Variants in LIPA observed in about 807,000 individuals in gnomAD.
LIPA encodes the protein lysosomal acid lipase/cholesteryl ester hydrolase.
In LIPA, 26 loss-of-function variants were observed where a neutral mutation model predicts 40.6. That is an observed-to-expected ratio of 0.64 (90% CI 0.47 to 0.89). The LOEUF is 0.89. LIPA is among the 40% of genes least tolerant of loss of function. The probability of loss-of-function intolerance (pLI) is 0.00; values close to 1 mark genes in which losing one functional copy is unlikely to be tolerated. For missense variants in LIPA, 455 were observed against 479.6 expected, an observed-to-expected ratio of 0.95 and a Z score of 0.48; for synonymous variants, 188 against 168.4, an observed-to-expected ratio of 1.12 and a Z score of -0.90.
intron 1 of LIPA, among the ~76,000 whole-genome samples, chr10:89,273,263 T>C (rs1217947162): frequency 6.6e-6 from 1 of 152,110 alleles, no homozygotes; most frequent in East Asian, 1.9e-4. Context: ...TCCCTCATTA[T>C]AGGAGGAAGA....
At chr10:89,307,202 C>CA (rs1309641941) in intron 1 of LIPA, 11 of 1,613,890 alleles carry the variant, frequency 6.8e-6, no homozygotes, top group Non-Finnish European at 9.3e-6. Context: ...AGACAAACTG[C>CA]AAAAAATTGC....
intron 2 of LIPA, among the ~76,000 whole-genome samples, chr10:89,352,691 G>A (rs1304569525): frequency 6.6e-6 from 1 of 150,892 alleles, no homozygotes; most frequent in Non-Finnish European, 1.5e-5. Context: ...TAAATCTTGG[G>A]ACCCCCAAGT....
At chr10:89,256,965 C>T (rs1843184772) in intron 1 of LIPA, among the ~76,000 whole-genome samples, 1 of 152,118 alleles carries the variant, frequency 6.6e-6, no homozygotes, top group South Asian at 2.1e-4. Flanking sequence ...GATATTTATT[C>T]AGGTTTGCAA....
chr10:89,311,397 G>T (rs1284833037), intron 1 of LIPA, among the ~76,000 whole-genome samples: 1 of 151,834 alleles, frequency 6.6e-6, no homozygotes, highest in Non-Finnish European at 1.5e-5. Flanking sequence ...AGGCATGGCG[G>T]TGTGTGCCTG....
intron 2 of LIPA, among the ~76,000 whole-genome samples, chr10:89,407,132 C>T (rs1841423023): frequency 6.6e-6 from 1 of 152,114 alleles, no homozygotes; most frequent in Non-Finnish European, 1.5e-5. Flanking sequence ...CAAGGGTTGA[C>T]AGGGAGGAAA....
At chr10:89,359,252 A>G (rs995429317) in intron 2 of LIPA, among the ~76,000 whole-genome samples, 11 of 152,230 alleles carry the variant, frequency 7.2e-5, no homozygotes, top group African/African-American at 2.2e-4. Context: ...TTTGGGGCAC[A>G]TATGTTTTAT....
intron 1 of LIPA, chr10:89,306,193 G>A: frequency 6.2e-7 from 1 of 1,614,160 alleles, no homozygotes; most frequent in Non-Finnish European, 8.5e-7. Context: ...AAGCTGAAGA[G>A]TTAATCCAGC....
intron 1 of LIPA, among the ~76,000 whole-genome samples, chr10:89,276,627 G>A (rs1031258751): frequency 3.3e-5 from 5 of 152,168 alleles, no homozygotes; most frequent in East Asian, 3.8e-4. Context: ...TAACAGTATC[G>A]TTGGAAGAGA....
intron 1 of LIPA, among the ~76,000 whole-genome samples, chr10:89,297,858 T>A (rs983067828): frequency 2.6e-5 from 4 of 152,190 alleles, no homozygotes; most frequent in Non-Finnish European, 4.4e-5. Flanking sequence ...GGAAGCCAGA[T>A]GGCCGCCTGT....
chr10:89,371,636 C>A (rs1348648725), intron 2 of LIPA, among the ~76,000 whole-genome samples: 5 of 152,152 alleles, frequency 3.3e-5, no homozygotes, highest in African/African-American at 1.2e-4. Flanking sequence ...CACAGGTAAG[C>A]ATTACTGGTT....
rs1330937748 is a variant in LIPA, at chr10:89,307,330, G to T, written c.-2+35281C>A. On this transcript the variant is annotated intron_variant, in intron 1 of 5. Coordinates refer to the LIPA transcript ENST00000282673. ...ATGAAGACTCTGAGAGGGGTTTGGA[G>T]TCTGGAAGCCTCATCCCTTCAGCAT... The T allele has an allele frequency of 1.2e-6, 2 of 1,612,284 alleles. No individual in the cohort carries two copies. Among genetic ancestry groups the T allele is most frequent in the African/African-American group, 1.3e-5 (1 of 74,870 alleles).
In LIPA at chr10:89,225,160, C is replaced by T. The variant is rs1165759822; in HGVS notation, c.607G>A (p.Val203Met). The change falls in exon 6 of 10, where the codon GTG becomes ATG. Residue 203 changes from valine to methionine, a missense_variant. Transcript: ENST00000336233. ...CTAGTACAGAAGGCGACGGAAGCCA[C>T]AGGACCCAGGGCAAAAAACATTTTA... ...RIKMFFALGP[V>M]ASVAFCTSPM... 2 of 1,614,188 alleles carry T rather than the reference C, an allele frequency of 1.2e-6. No homozygotes were observed. Among genetic ancestry groups the T allele is most frequent in the Middle Eastern group, 1.6e-4 (1 of 6,062 alleles).
intron 8 of LIPA, among the ~76,000 whole-genome samples, chr10:89,218,674 G>T (rs973077455): frequency 6.6e-6 from 1 of 152,174 alleles, no homozygotes; most frequent in Non-Finnish European, 1.5e-5. Flanking sequence ...GGAGGTGACC[G>T]GGCTGCAACC....
chr10:89,255,904 G>C (rs1451849977), upstream of LIPA, among the ~76,000 whole-genome samples: 1 of 152,212 alleles, frequency 6.6e-6, no homozygotes, highest in Non-Finnish European at 1.5e-5. Flanking sequence ...AAGACAAACA[G>C]GGTTTGGGTG....
chr10:89,231,155 G>A (rs1041390), intron 3 of LIPA, among the ~76,000 whole-genome samples: 88,271 of 152,050 alleles, frequency 0.58, 25,908 homozygotes, highest in African/African-American at 0.66. Context: ...AATTACAGCT[G>A]TGCAAAATTA....
At chr10:89,216,886 G>C (rs1432315372) in intron 8 of LIPA, among the ~76,000 whole-genome samples, 4 of 152,056 alleles carry the variant, frequency 2.6e-5, no homozygotes, top group Non-Finnish European at 4.4e-5. Context: ...TTTTTCTTGA[G>C]TACTGGTATC....
At chr10:89,299,396 A>C (rs952735507) in intron 1 of LIPA, among the ~76,000 whole-genome samples, 1 of 152,198 alleles carries the variant, frequency 6.6e-6, no homozygotes, top group Admixed American at 6.5e-5. Context: ...CAGTATCTCC[A>C]AAGGCGAAGG....
intron 2 of LIPA, among the ~76,000 whole-genome samples, chr10:89,398,998 G>A (rs971701109): frequency 1.3e-5 from 2 of 151,980 alleles, no homozygotes; most frequent in Non-Finnish European, 2.9e-5. Context: ...CCTACTAGCA[G>A]TGCACATTTC....
intron 1 of LIPA, among the ~76,000 whole-genome samples, chr10:89,321,342 A>G (rs541967407): frequency 6.6e-6 from 1 of 152,354 alleles, no homozygotes; most frequent in East Asian, 1.9e-4. Context: ...TAATATCCAG[A>G]ATCTACAAAA....
Sources: gnomAD v4.1 joint callset for allele counts (sites outside exome capture counted in the v4.1 genomes callset) on GRCh38, gnomAD v4.1.1 for gene constraint, MANE v1.5 for transcripts, NCBI Gene and HGNC (gene_info 2026-07-23, HGNC 2026-07-21) for gene names.